HDAC9: variants seen among roughly 807,000 people sequenced by gnomAD.
HDAC9 encodes MEF-2 interacting transcription repressor (MITR) protein.
HDAC9 carries 41 observed loss-of-function variants against 139.4 expected under a neutral mutation model. The ratio of observed to expected loss-of-function variants is 0.29; its 90% CI spans 0.23 to 0.38. HDAC9 has a LOEUF of 0.38. HDAC9 is among the 10% of genes least tolerant of loss of function. HDAC9 has a pLI of 1.00. For missense variants in HDAC9, 1,147 were observed against 1,297.0 expected (o/e 0.88, Z 1.78); for synonymous variants, 517 against 476.2 (o/e 1.09, Z -1.12).
intron 23 of HDAC9, among the ~76,000 whole-genome samples, chr7:18,939,352 A>G (rs571975289): frequency 2.0e-5 from 3 of 152,320 alleles, no homozygotes; most frequent in East Asian, 3.9e-4. Context: ...TGTCAGGTCT[A>G]TCAGTATATG....
At chr7:18,154,690 A>G (rs139995528) in intron 1 of HDAC9, among the ~76,000 whole-genome samples, 5 of 152,338 alleles carry the variant, frequency 3.3e-5, no homozygotes, top group Non-Finnish European at 7.4e-5. Flanking sequence ...CAGATCTTCA[A>G]GAGTTGAGTT....
chr7:18,477,012 C>T (rs1795161217), intron 1 of HDAC9, among the ~76,000 whole-genome samples: 1 of 152,128 alleles, frequency 6.6e-6, no homozygotes, highest in Non-Finnish European at 1.5e-5. Flanking sequence ...ATACTTACCA[C>T]TTACAAATAT....
At chr7:18,583,794 T>C (rs1325823494) in intron 2 of HDAC9, among the ~76,000 whole-genome samples, 1 of 152,154 alleles carries the variant, frequency 6.6e-6, no homozygotes, top group Admixed American at 6.6e-5. Flanking sequence ...TTAACAGTTA[T>C]TTCTGTCTAC....
chr7:18,257,118 A>ATGTG (rs150400645), intron 2 of HDAC9, among the ~76,000 whole-genome samples: 10,979 of 95,126 alleles, frequency 0.12, 441 homozygotes, highest in Admixed American at 0.17. Flanking sequence ...GTGTGCATGT[A>ATGTG]TGTGTGTGTG....
At chr7:18,244,740 G>A (rs1252577746) in intron 2 of HDAC9, among the ~76,000 whole-genome samples, 1 of 152,080 alleles carries the variant, frequency 6.6e-6, no homozygotes, top group East Asian at 1.9e-4. Flanking sequence ...GGAGCTTGCA[G>A]TGAGCCAAGA....
At chr7:18,348,687 A>G (rs1015345778) in intron 1 of HDAC9, among the ~76,000 whole-genome samples, 1 of 152,152 alleles carries the variant, frequency 6.6e-6, no homozygotes, top group African/African-American at 2.4e-5. Context: ...TTAGGATCCA[A>G]AATCTCCTAA....
At chr7:18,747,613 CA>C (rs1336090326) in intron 13 of HDAC9, among the ~76,000 whole-genome samples, 1 of 152,102 alleles carries the variant, frequency 6.6e-6, no homozygotes, top group Non-Finnish European at 1.5e-5. Flanking sequence ...TTGGATGGAT[CA>C]TTCAATGGGG....
intron 13 of HDAC9, among the ~76,000 whole-genome samples, chr7:18,744,853 G>T (rs1219322262): frequency 2.0e-5 from 3 of 151,974 alleles, no homozygotes; most frequent in Admixed American, 6.6e-5. Flanking sequence ...TTTCTTGTAT[G>T]TAAAAAAATA....
intron 22 of HDAC9, among the ~76,000 whole-genome samples, chr7:18,932,268 G>A (rs957764625): frequency 3.3e-5 from 5 of 152,072 alleles, no homozygotes; most frequent in Non-Finnish European, 5.9e-5. Context: ...TTTATTTACC[G>A]TACCTTTTGG....
chr7:18,637,959 A>G (rs776390584), intron 8 of HDAC9, among the ~76,000 whole-genome samples: 2 of 152,088 alleles, frequency 1.3e-5, no homozygotes, highest in African/African-American at 2.4e-5. Flanking sequence ...AGTAACCATC[A>G]TTTAGAATTT....
At chr7:18,303,943 G>C (rs1159491119) in intron 1 of HDAC9, among the ~76,000 whole-genome samples, 1 of 152,176 alleles carries the variant, frequency 6.6e-6, no homozygotes, top group African/African-American at 2.4e-5. Context: ...CTGCCAACCT[G>C]AAGTGTTACA....
intron 11 of HDAC9, among the ~76,000 whole-genome samples, chr7:18,648,973 G>A (rs1788334779): frequency 6.6e-6 from 1 of 152,166 alleles, no homozygotes; most frequent in Non-Finnish European, 1.5e-5. Context: ...TGTATATGGA[G>A]CCTCATTTTT....
intron 2 of HDAC9, among the ~76,000 whole-genome samples, chr7:18,213,779 G>A (rs1333165038): frequency 2.0e-5 from 3 of 152,080 alleles, no homozygotes; most frequent in Non-Finnish European, 4.4e-5. Context: ...TTAAGCCCTG[G>A]TTTCCCATTA....
intron 16 of HDAC9, among the ~76,000 whole-genome samples, chr7:18,786,309 C>G (rs1266264067): frequency 6.6e-6 from 1 of 152,116 alleles, no homozygotes; most frequent in Non-Finnish European, 1.5e-5. Flanking sequence ...TAGCGCTTTA[C>G]TGGCCCTAAC....
intron 21 of HDAC9, among the ~76,000 whole-genome samples, chr7:18,856,582 G>A (rs1797698560): frequency 6.6e-6 from 1 of 152,084 alleles, no homozygotes; most frequent in African/African-American, 2.4e-5. Context: ...TATAAACATT[G>A]CAAATGTACA....
At chr7:18,349,072 A>G (rs1762108821) in intron 1 of HDAC9, among the ~76,000 whole-genome samples, 1 of 152,112 alleles carries the variant, frequency 6.6e-6, no homozygotes, top group Non-Finnish European at 1.5e-5. Flanking sequence ...TCCCAATATG[A>G]GAACATGAAT....
intron 1 of HDAC9, among the ~76,000 whole-genome samples, chr7:18,487,402 A>C (rs1796050286): frequency 6.6e-6 from 1 of 152,076 alleles, no homozygotes. Flanking sequence ...TGTCTGTTGC[A>C]TGATGTTTGC....
intron 1 of HDAC9, among the ~76,000 whole-genome samples, chr7:18,117,040 T>C (rs1258976978): frequency 2.6e-5 from 4 of 152,200 alleles, no homozygotes; most frequent in African/African-American, 9.7e-5. Flanking sequence ...GCTTTAGGAT[T>C]GACCAAACCA....
At chr7:18,649,356 A>C (rs1234729533) in intron 11 of HDAC9, among the ~76,000 whole-genome samples, 1 of 152,166 alleles carries the variant, frequency 6.6e-6, no homozygotes, top group Non-Finnish European at 1.5e-5. Flanking sequence ...AAATGATATT[A>C]AAGAACCTGG....
Sources: gnomAD v4.1 joint callset for allele counts (sites outside exome capture counted in the v4.1 genomes callset) on GRCh38, gnomAD v4.1.1 for gene constraint, MANE v1.5 for transcripts, NCBI Gene and HGNC (gene_info 2026-07-23, HGNC 2026-07-21) for gene names.